The following AGBL4 variants were observed in gnomAD, a reference collection of about 807,000 sequenced individuals.
AGBL4 encodes the protein cytosolic carboxypeptidase 6.
AGBL4 carries 58 observed loss-of-function variants against 66.4 expected under a neutral mutation model. The ratio of observed to expected loss-of-function variants is 0.87; its 90% confidence interval spans 0.71 to 1.09. AGBL4 has a LOEUF of 1.09. AGBL4 is among the 50% of genes least tolerant of loss of function. The pLI, the probability that AGBL4 is intolerant of heterozygous loss-of-function variation, is 0.00. For missense variants in AGBL4, 579 were observed against 631.0 expected, an observed-to-expected ratio of 0.92 and a Z score of 0.88; for synonymous variants, 234 against 222.9, an observed-to-expected ratio of 1.05 and a Z score of -0.44.
intron 5 of AGBL4, among the ~76,000 whole-genome samples, chr1:49,018,991 T>C (rs1353547824): frequency 6.6e-6 from 1 of 152,188 alleles, no homozygotes; most frequent in Non-Finnish European, 1.5e-5. Context: ...AACAAACGAT[T>C]CTGGCTTCTC....
In AGBL4 at chr1:48,703,613, C is replaced by T. The variant is rs145527510; in HGVS notation, c.635-40372G>A. 3.6e-3 allele frequency among the ~76,000 whole-genome samples: 546 copies of T among 152,132 alleles called. 2 individuals are homozygous for T. The highest frequency in any genetic ancestry group is 0.01 in the Middle Eastern group (3 of 294). On this transcript the variant is annotated intron_variant, in intron 6 of 13. Transcript: ENST00000371839. ...GCCGAAAAGAGATCAGTGTTCCAGG[C>T]AATGTTAATAATAATAACCAAAAAG...
intron 3 of AGBL4, among the ~76,000 whole-genome samples, chr1:49,371,479 C>T (rs116051154): frequency 0.011 from 1,702 of 152,172 alleles, 30 homozygotes; most frequent in African/African-American, 0.039. Flanking sequence ...GCACTTGTCC[C>T]ACTATTTTTA....
intron 3 of AGBL4, among the ~76,000 whole-genome samples, chr1:49,683,765 T>G (rs1302938701): frequency 6.6e-6 from 1 of 152,160 alleles, no homozygotes; most frequent in Admixed American, 6.6e-5. Context: ...TCATCAAGAA[T>G]GAATCCCAAA....
In AGBL4 at chr1:49,701,468, T is replaced by C. The variant is rs1021413449; in HGVS notation, c.158-4031A>G. ...TAATGGTTTCACAGATGTATAGTTA[T>C]ATAGTTATCTCCAAACTCATCAAAT... On this transcript the variant is annotated intron_variant, in intron 2 of 13. Transcript: ENST00000371839. Among the ~76,000 whole-genome samples, 4 of 152,128 alleles carry C rather than the reference T, an allele frequency of 2.6e-5. No homozygotes were observed. The East Asian group carries it at 7.7e-4, about 29-fold the overall frequency.
chr1:49,400,731 T>C (rs1484281539), intron 3 of AGBL4, among the ~76,000 whole-genome samples: 1 of 152,226 alleles, frequency 6.6e-6, no homozygotes, highest in African/African-American at 2.4e-5. Context: ...TGCAACTTTA[T>C]TGAATTTGCT....
chr1:49,301,957 A>T (rs1480618834), intron 3 of AGBL4, among the ~76,000 whole-genome samples: 2 of 152,144 alleles, frequency 1.3e-5, no homozygotes, highest in East Asian at 3.9e-4. Context: ...TTGAGGAAAT[A>T]TCTCCCATCC....
At chr1:49,545,234 G>T (rs1652378351) in intron 3 of AGBL4, among the ~76,000 whole-genome samples, 1 of 152,290 alleles carries the variant, frequency 6.6e-6, no homozygotes, top group South Asian at 2.1e-4. Context: ...ATGTTATGAT[G>T]AAGAAAGCAG....
At chr1:49,965,939 A>ATTT (rs1166636337) in intron 1 of AGBL4, among the ~76,000 whole-genome samples, 6 of 136,536 alleles carry the variant, frequency 4.4e-5, no homozygotes, top group Middle Eastern at 3.9e-3. Context: ...TATTACAATG[A>ATTT]TTTTTTTTTT....
intron 6 of AGBL4, among the ~76,000 whole-genome samples, chr1:48,776,404 A>G (rs557344072): frequency 6.6e-6 from 1 of 152,350 alleles, no homozygotes; most frequent in South Asian, 2.1e-4. Flanking sequence ...CGGGGAAGAC[A>G]AAGGGGACCA....
At chr1:48,541,307 C>T (rs1351239445) in intron 11 of AGBL4, among the ~76,000 whole-genome samples, 1 of 152,194 alleles carries the variant, frequency 6.6e-6, no homozygotes, top group Non-Finnish European at 1.5e-5. Flanking sequence ...TTCTTCCTGG[C>T]CTTCACCAAC....
At chr1:50,000,732 T>C (rs1572037819) in intron 1 of AGBL4, among the ~76,000 whole-genome samples, 1 of 152,278 alleles carries the variant, frequency 6.6e-6, no homozygotes, top group Non-Finnish European at 1.5e-5. Flanking sequence ...GGAATACTAC[T>C]CAGCCATAAA....
At chr1:49,485,099 A>T (rs1377998497) in intron 3 of AGBL4, among the ~76,000 whole-genome samples, 1 of 151,920 alleles carries the variant, frequency 6.6e-6, no homozygotes, top group Non-Finnish European at 1.5e-5. Flanking sequence ...CAGCCATCCC[A>T]TTACTGGGTA....
At chr1:49,622,628 C>T (rs1291214044) in intron 3 of AGBL4, among the ~76,000 whole-genome samples, 1 of 65,484 alleles carries the variant, frequency 1.5e-5, no homozygotes, top group Non-Finnish European at 2.6e-5. Context: ...GACTCCGTCT[C>T]AAAAAAAAAA....
intron 3 of AGBL4, among the ~76,000 whole-genome samples, chr1:49,337,894 A>G (rs1645468420): frequency 6.6e-6 from 1 of 152,200 alleles, no homozygotes; most frequent in African/African-American, 2.4e-5. Context: ...TTTAACATTT[A>G]TTGAGCACCA....
intron 6 of AGBL4, among the ~76,000 whole-genome samples, chr1:48,795,390 C>G (rs181222920): frequency 6.6e-6 from 1 of 152,090 alleles, no homozygotes; most frequent in East Asian, 1.9e-4. Context: ...TCTTTTTCCT[C>G]CCCCTCCCCC....
chr1:49,558,206 G>T (rs1000383785), intron 3 of AGBL4, among the ~76,000 whole-genome samples: 4 of 152,062 alleles, frequency 2.6e-5, no homozygotes, highest in African/African-American at 9.6e-5. Context: ...TACCACCTGT[G>T]GTAGCTGTGG....
chr1:49,938,833 T>C (rs1654409314), intron 1 of AGBL4, among the ~76,000 whole-genome samples: 1 of 151,752 alleles, frequency 6.6e-6, no homozygotes, highest in African/African-American at 2.4e-5. Context: ...TTCAACATAG[T>C]GTTGGAAGTT....
chr1:48,529,884 G>A (rs1351083540), downstream of AGBL4, among the ~76,000 whole-genome samples: 1 of 152,130 alleles, frequency 6.6e-6, no homozygotes, highest in African/African-American at 2.4e-5. Context: ...GGAGGACTCT[G>A]GAGTGCCTAG....
chr1:48,940,146 C>T (rs543045283), intron 5 of AGBL4, among the ~76,000 whole-genome samples: 7 of 152,202 alleles, frequency 4.6e-5, no homozygotes, highest in Non-Finnish European at 4.4e-5. Context: ...GAGGAAGGCC[C>T]GGGTGGGCAG....
Sources: gnomAD v4.1 joint callset for allele counts (sites outside exome capture counted in the v4.1 genomes callset) on GRCh38, gnomAD v4.1.1 for gene constraint, MANE v1.5 for transcripts, NCBI Gene and HGNC (gene_info 2026-07-23, HGNC 2026-07-21) for gene names.